Variants in NAA11 observed in about 807,000 individuals in gnomAD.
NAA11 encodes the protein N-alpha-acetyltransferase 11.
NAA11 carries 15 observed loss-of-function variants against 16.1 expected under a neutral mutation model. The observed-to-expected ratio is 0.93, with a 90% CI of 0.62 to 1.44. The LOEUF is 1.44. Among genes scored for constraint, NAA11 ranks in the 40% most tolerant of loss-of-function variants. The probability of loss-of-function intolerance (pLI) is 0.00; values close to 1 mark genes in which losing one functional copy is unlikely to be tolerated. For synonymous variants in NAA11, 122 were observed against 112.4 expected, an observed-to-expected ratio of 1.09 and a Z score of -0.54; for missense variants, 298 against 291.3, an observed-to-expected ratio of 1.02 and a Z score of -0.17.
chr4:79,200,803 G>A, the NAA11 span, among the ~76,000 whole-genome samples: 8 of 151,698 alleles, frequency 5.3e-5, no homozygotes, highest in Non-Finnish European at 1.0e-4. Flanking sequence ...GTGAAATCCT[G>A]GGCTTTTCAT....
At chr4:79,319,053 G>T (rs942317778) in intron 1 of NAA11, among the ~76,000 whole-genome samples, 1 of 152,126 alleles carries the variant, frequency 6.6e-6, no homozygotes, top group African/African-American at 2.4e-5. Flanking sequence ...GAGTAGCTAG[G>T]ACTACAAGCA....
chr4:79,319,954 T>C (rs540979872), intron 1 of NAA11, among the ~76,000 whole-genome samples: 1 of 152,356 alleles, frequency 6.6e-6, no homozygotes, highest in African/African-American at 2.4e-5. Flanking sequence ...AATGACAGTT[T>C]AGCGACACAA....
the NAA11 span, among the ~76,000 whole-genome samples, chr4:79,186,892 T>A: frequency 6.6e-6 from 1 of 151,986 alleles, no homozygotes; most frequent in African/African-American, 2.4e-5. Flanking sequence ...AGAAGCACGA[T>A]GAACACAGTG....
intron 2 of NAA11, among the ~76,000 whole-genome samples, chr4:79,272,721 G>C (rs368055268): frequency 4.6e-5 from 7 of 152,056 alleles, no homozygotes; most frequent in African/African-American, 1.7e-4. Context: ...TAAGGTGGGG[G>C]CTATGTTCCA....
In NAA11 at chr4:79,325,740, C is replaced by T; in HGVS notation, c.138G>A (p.Glu46=). ...LSWPQLSYIA[E]DEDGKIVGYV... is the part of the protein sequence containing the mutation. ...AGCCCACAATCTTCCCGTCCTCATCCTCAGCGATGTAAGAAAGCTGGGGCC... is the reference window on the plus strand; with the variant it reads ...AGCCCACAATCTTCCCGTCCTCATCTTCAGCGATGTAAGAAAGCTGGGGCC... Residue 46 remains glutamate (E), a synonymous_variant, in exon 1 of 2, where the codon GAG becomes GAA. Transcript: ENST00000286794. 1 of 1,614,218 alleles carries T rather than the reference C, an allele frequency of 6.2e-7. No individual in the cohort carries two copies. Among genetic ancestry groups the T allele is most frequent in the Non-Finnish European group, 8.5e-7 (1 of 1,180,032 alleles).
At chr4:79,280,806 G>A (rs1209737155) in intron 2 of NAA11, among the ~76,000 whole-genome samples, 1 of 152,004 alleles carries the variant, frequency 6.6e-6, no homozygotes, top group Non-Finnish European at 1.5e-5. Context: ...GAACTGGACT[G>A]AGTGGAAGTG....
downstream of NAA11, among the ~76,000 whole-genome samples, chr4:79,312,116 G>A (rs936193373): frequency 6.6e-6 from 1 of 152,158 alleles, no homozygotes; most frequent in African/African-American, 2.4e-5. Flanking sequence ...GATTGCCAAA[G>A]GAGCAATTAG....
the NAA11 span, among the ~76,000 whole-genome samples, chr4:79,174,913 T>C: frequency 1.3e-5 from 2 of 152,020 alleles, no homozygotes; most frequent in African/African-American, 4.8e-5. Flanking sequence ...ATGTAAGAAA[T>C]AGTTATACAA....
chr4:79,282,934 C>G (rs953598415), intron 2 of NAA11, among the ~76,000 whole-genome samples: 9 of 152,046 alleles, frequency 5.9e-5, no homozygotes, highest in Non-Finnish European at 1.3e-4. Flanking sequence ...AAGGAACCAG[C>G]AGAGGAATGG....
the NAA11 span, among the ~76,000 whole-genome samples, chr4:79,216,541 G>A: frequency 6.6e-6 from 1 of 152,056 alleles, no homozygotes; most frequent in Non-Finnish European, 1.5e-5. Context: ...ATATACACTT[G>A]ATATTTGTAG....
intron 1 of NAA11, among the ~76,000 whole-genome samples, chr4:79,308,988 C>G (rs1348669691): frequency 7.9e-5 from 12 of 152,172 alleles, no homozygotes; most frequent in African/African-American, 2.7e-4. Flanking sequence ...ATGGCATCAT[C>G]TTCTTTTCCT....
At chr4:79,284,963 T>C (rs1283156898) in intron 2 of NAA11, among the ~76,000 whole-genome samples, 2 of 151,652 alleles carry the variant, frequency 1.3e-5, no homozygotes, top group African/African-American at 4.8e-5. Flanking sequence ...GGTTAGGAGG[T>C]AGGTGACTAA....
downstream of NAA11, among the ~76,000 whole-genome samples, chr4:79,313,099 A>G (rs151120345): frequency 3.2e-3 from 492 of 152,316 alleles, 3 homozygotes; most frequent in African/African-American, 0.011. Context: ...TTATTGTTTG[A>G]TAATACATTC....
the NAA11 span, among the ~76,000 whole-genome samples, chr4:79,166,062 A>G: frequency 1.3e-5 from 2 of 152,216 alleles, no homozygotes; most frequent in Admixed American, 1.3e-4. Flanking sequence ...TTATTTTGCT[A>G]GCAATAATGG....
At chr4:79,184,086 G>A in the NAA11 span, among the ~76,000 whole-genome samples, 2 of 152,100 alleles carry the variant, frequency 1.3e-5, no homozygotes, top group Non-Finnish European at 2.9e-5. Flanking sequence ...AAGACCTGAT[G>A]CTTCTTCAAC....
the NAA11 span, among the ~76,000 whole-genome samples, chr4:79,202,613 ATATATAGTTT>A: frequency 1.8e-5 from 2 of 108,376 alleles, no homozygotes; most frequent in Non-Finnish European, 3.8e-5. Flanking sequence ...ATATACAGTT[ATATATAGTTT>A]TATATATATA....
At chr4:79,244,524 A>T (rs988277589) in intron 2 of NAA11, among the ~76,000 whole-genome samples, 15 of 152,038 alleles carry the variant, frequency 9.9e-5, no homozygotes, top group African/African-American at 3.6e-4. Context: ...CCAAGATAAA[A>T]TTTTTAAAAT....
the NAA11 span, among the ~76,000 whole-genome samples, chr4:79,183,574 T>C: frequency 6.6e-6 from 1 of 152,162 alleles, no homozygotes; most frequent in South Asian, 2.1e-4. Context: ...AGAAAGAGGA[T>C]TCCCTCAAGA....
chr4:79,321,587 T>G (rs1724089695), intron 1 of NAA11, among the ~76,000 whole-genome samples: 1 of 152,158 alleles, frequency 6.6e-6, no homozygotes, highest in African/African-American at 2.4e-5. Context: ...TGTATTTTCA[T>G]CAACCTCTAA....
Sources: allele counts gnomAD v4.1 joint callset (sites outside exome capture counted in the v4.1 genomes callset), GRCh38; gene constraint gnomAD v4.1.1; transcripts MANE v1.5; gene names NCBI Gene and HGNC (gene_info 2026-07-23, HGNC 2026-07-21).